The following EPS8 variants were observed in gnomAD, a reference collection of about 807,000 sequenced individuals.
EPS8 encodes epidermal growth factor receptor kinase substrate 8.
Under a neutral mutation model 103.8 loss-of-function variants are expected in EPS8, and 42 were observed. The ratio of observed to expected loss-of-function variants is 0.40; its 90% CI spans 0.32 to 0.52. The LOEUF is 0.52. Among genes scored for constraint, EPS8 ranks in the 20% least tolerant of loss-of-function variants. The pLI is 0.40. For missense variants in EPS8, 969 were observed against 1,005.1 expected, an observed-to-expected ratio of 0.96 and a Z score of 0.49; for synonymous variants, 344 against 344.6, an observed-to-expected ratio of 1.00 and a Z score of 0.02.
At chr12:15,681,684 C>T (rs1288786081) in intron 2 of EPS8, among the ~76,000 whole-genome samples, 5 of 140,728 alleles carry the variant, frequency 3.6e-5, no homozygotes, top group East Asian at 4.2e-4. Context: ...GAGCCAAGAT[C>T]GCGCTATTGC....
At chr12:15,742,320 G>A (rs1262673571) in intron 1 of EPS8, among the ~76,000 whole-genome samples, 2 of 152,192 alleles carry the variant, frequency 1.3e-5, no homozygotes, top group African/African-American at 4.8e-5. Context: ...ACTAGTTTAC[G>A]GTCCCACCAA....
rs756458868 is a variant in EPS8, at chr12:15,621,309, C to T, written c.*8G>A. The stretch of plus-strand genomic sequence containing the variant: ...AAAAACAATGGAGTTTAAATACAAA[C>T]AAACAAATTAGTGACTGCTTCCTTC... On this transcript the variant is annotated 3_prime_UTR_variant, in exon 21 of 21. Coordinates refer to ENST00000281172, the MANE Select transcript of EPS8 (RefSeq NM_004447.6). 1 of 1,499,730 alleles carries T rather than the reference C, an allele frequency of 6.7e-7. No homozygotes were observed. The highest frequency in any genetic ancestry group is 2.0e-5 in the Admixed American group (1 of 50,914). The allele number at this position is 1,499,730 out of a possible 1,614,324, so 92.9% of individuals were successfully genotyped here.
At position 15,658,599 on chromosome 12, in the gene EPS8, C is replaced by T. The variant is rs79708535; in HGVS notation, c.938-14G>A. The T allele has an allele frequency of 5.6e-4, 874 of 1,568,762 alleles. 1 individual carries two copies. The highest frequency in any genetic ancestry group is 7.4e-4 in the Non-Finnish European group (847 of 1,140,158). ...TTAAAACACCCTCTAATGAAATAAG[C>T]GAGAGGAGAGGATCAGAGCAAAATC... is the stretch of plus-strand genomic sequence containing the variant. On this transcript the variant is annotated splice_polypyrimidine_tract_variant and intron_variant, in intron 10 of 20. Transcript: ENST00000281172.
chr12:15,755,257 G>A (rs1367034890), intron 1 of EPS8, among the ~76,000 whole-genome samples: 1 of 152,156 alleles, frequency 6.6e-6, no homozygotes, highest in Non-Finnish European at 1.5e-5. Context: ...TTACAGACAT[G>A]AGCTGCTGCA....
chr12:15,664,961 C>A (rs1350107291), intron 8 of EPS8: 1 of 151,882 alleles, frequency 6.6e-6, no homozygotes, highest in Non-Finnish European at 1.5e-5. Flanking sequence ...AACAGAATGC[C>A]AAGGTGAAAT....
At position 15,658,518 on chromosome 12, in the gene EPS8, A is replaced by C; in HGVS notation, c.1005T>G (p.Phe335Leu). The C allele has an allele frequency of 6.2e-7, 1 of 1,612,032 alleles. No individual in the cohort carries two copies. Among genetic ancestry groups the C allele is most frequent in the Non-Finnish European group, 8.5e-7 (1 of 1,178,204 alleles). Residue 335 changes from phenylalanine to leucine, a missense_variant, in exon 11 of 21, where the codon TTT becomes TTG. Transcript: ENST00000281172. ...TTACCAGAAGGTTAAATCCGTGTTT[A>C]AACTTTTGGAAACAGTCAAGAAATT... ...PDEFLDCFQK[F>L]KHGFNLLAKL...
At position 15,623,189 on chromosome 12, in the gene EPS8, C is replaced by A; in HGVS notation, c.2324G>T (p.Ser775Ile). Residue 775 changes from serine to isoleucine, a missense_variant, in exon 20 of 21, where the codon AGC (serine) becomes ATC (isoleucine). Coordinates refer to ENST00000281172, the MANE Select transcript of EPS8 (RefSeq NM_004447.6). ...TGCAGCTTTTTGTACAGTGATTTGG[C>A]TATAGACTCTCGCCCCTTCAGGGCA... ...TVCPEGARVY[S>I]QITVQKAALE... 2 of 1,611,796 alleles carry A rather than the reference C, an allele frequency of 1.2e-6. No individual in the cohort carries two copies. Among genetic ancestry groups the A allele is most frequent in the Non-Finnish European group, 1.7e-6 (2 of 1,179,290 alleles).
chr12:15,776,760 A>G lies in EPS8; in HGVS notation c.-22+12401T>C, dbSNP rs1947210233. On this transcript the variant is annotated intron_variant, in intron 1 of 20. Coordinates refer to ENST00000281172, the MANE Select transcript of EPS8 (RefSeq NM_004447.6). The surrounding 1 kb of genome is among the most constrained non-coding windows in gnomAD (Gnocchi z 4.2). ...TAAAAATGGCTGATGGGTTCTTGAG[A>G]ATTTTAGCGTTTCCCCTTTTGCTAC... Among the ~76,000 whole-genome samples the G allele has an allele frequency of 6.6e-6, 1 of 152,158 alleles. No homozygotes were observed. Among genetic ancestry groups the G allele is most frequent in the African/African-American group, 2.4e-5 (1 of 41,432 alleles).
intron 1 of EPS8, among the ~76,000 whole-genome samples, chr12:15,730,150 T>A (rs992711085): frequency 1.3e-5 from 2 of 152,182 alleles, no homozygotes; most frequent in Non-Finnish European, 2.9e-5. Flanking sequence ...TTAGTTTTGA[T>A]AACCATATTG....
Position 15,631,635 on chromosome 12 carries a change from T to C in EPS8, c.1851A>G (p.Pro617=). ...GTGATGGAGCAGGGGGAGTATCAGC[T>C]GGTCTTGGGCCATACTCCATCCTTT... ...QKQRMEYGPR[P]ADTPPAPSPP... is the part of the protein sequence containing the mutation. The change falls in exon 18 of 21, where the codon CCA becomes CCG. Residue 617 remains proline, a synonymous_variant. Coordinates refer to ENST00000281172, the MANE Select transcript of EPS8 (RefSeq NM_004447.6). 6.2e-7 allele frequency: 1 copy of C among 1,613,842 alleles called. No individual in the cohort carries two copies. The highest frequency in any genetic ancestry group is 8.5e-7 in the Non-Finnish European group (1 of 1,179,900).
rs1946322040 is a variant in EPS8 at position 15,702,375 on chromosome 12, GTT to G, written c.-21-19405_-21-19404del. 6.6e-6 allele frequency among the ~76,000 whole-genome samples: 1 copy of G among 152,172 alleles called. No individual in the cohort carries two copies. The highest frequency in any genetic ancestry group is 1.5e-5 in the Non-Finnish European group (1 of 68,026). ...ACTGGAAATTAATTCATTCTTTTGA[GTT>G]AAGCATTTTCATCCATAGGAAGCAC... On this transcript the variant is annotated intron_variant, in intron 1 of 20. Transcript: ENST00000281172. This position sits in a 1 kb window ranked among gnomAD's most constrained non-coding sequence, Gnocchi z 5.1.
Position 15,690,981 on chromosome 12 carries a change from TA to T in EPS8, c.-21-8010del, listed in dbSNP as rs36075920. Among the ~76,000 whole-genome samples the T allele has an allele frequency of 0.71, 107,843 of 151,502 alleles. 39,862 individuals carry two copies. Among genetic ancestry groups the T allele is most frequent in the East Asian group, 0.9 (4,630 of 5,156 alleles). On this transcript the variant is annotated intron_variant, in intron 1 of 20. Coordinates refer to ENST00000281172, the MANE Select transcript of EPS8 (RefSeq NM_004447.6). This position sits in a 1 kb window ranked among gnomAD's most constrained non-coding sequence, Gnocchi z 4.7. Reference sequence around the variant, plus strand: ...CTAACTGTCTACACTTGGCTGAATATAAAAAAAACAAGCCAGATTGTCAGTA... The same window carrying T: ...CTAACTGTCTACACTTGGCTGAATATAAAAAAACAAGCCAGATTGTCAGTA...
chr12:15,678,459 C>A (rs891775270), intron 3 of EPS8, among the ~76,000 whole-genome samples: 2 of 152,162 alleles, frequency 1.3e-5, no homozygotes, highest in African/African-American at 4.8e-5. Context: ...CTTGGATTTG[C>A]CCCTTTCAAT....
In EPS8 at chr12:15,738,194, TCTAA is replaced by T. The variant is rs1946785604; in HGVS notation, c.-22+50963_-22+50966del. Among the ~76,000 whole-genome samples the T allele has an allele frequency of 6.6e-6, 1 of 152,180 alleles. No homozygotes were observed. The highest frequency in any genetic ancestry group is 6.5e-5 in the Admixed American group (1 of 15,274). On this transcript the variant is annotated intron_variant, in intron 1 of 20. Transcript: ENST00000281172. The surrounding 1 kb of genome is among the most constrained non-coding windows in gnomAD (Gnocchi z 6.2). Reference sequence around the variant, plus strand: ...TTATTCTAATTAATATCACTTTTATTCTAACTAATATTAGACTCATTTCTCAACT... The same window carrying T: ...TTATTCTAATTAATATCACTTTTATTCTAATATTAGACTCATTTCTCAACT...
intron 2 of EPS8, 108 bp from the exon 3 acceptor site, chr12:15,681,410 T>C: frequency 2.7e-6 from 1 of 374,380 alleles, no homozygotes; most frequent in Middle Eastern, 9.2e-4. Context: ...AAAATTCCAA[T>C]GCACTATAAT....
rs1204865602 is a variant in EPS8, at chr12:15,735,523, T to C, written c.-21-52551A>G. Among the ~76,000 whole-genome samples the C allele has an allele frequency of 6.6e-6, 1 of 152,222 alleles. No homozygotes were observed. The highest frequency in any genetic ancestry group is 1.5e-5 in the Non-Finnish European group (1 of 68,042). ...AGCTAACATTCTAAGATTAAAACTA[T>C]GATTTGAATCCATGTCTAATCCTAA... On this transcript the variant is annotated intron_variant, in intron 1 of 20. Transcript: ENST00000281172. The surrounding 1 kb of genome is among the most constrained non-coding windows in gnomAD (Gnocchi z 4.4).
intron 1 of EPS8, among the ~76,000 whole-genome samples, chr12:15,746,763 T>C (rs1036747763): frequency 2.0e-5 from 3 of 152,108 alleles, no homozygotes; most frequent in Non-Finnish European, 2.9e-5. Context: ...ATCCCTTCTA[T>C]TGAAAAACAA....
At chr12:15,639,874 A>C (rs372013532) in intron 17 of EPS8, among the ~76,000 whole-genome samples, 2 of 152,176 alleles carry the variant, frequency 1.3e-5, no homozygotes, top group East Asian at 1.9e-4. Flanking sequence ...CTTTTTCTCG[A>C]GACTTTGAAA....
Position 15,628,566 on chromosome 12 carries a change from A to G in EPS8, c.2044+2876T>C, listed in dbSNP as rs116146205. ...TTGGCATCTTAAAAGCGATAAAAGG[A>G]GAACCTTTTGGGATCCTGCGATAAA... On this transcript the variant is annotated intron_variant, in intron 18 of 20. Transcript: ENST00000281172. 6.7e-3 allele frequency among the ~76,000 whole-genome samples: 1,015 copies of G among 152,340 alleles called. 11 individuals carry two copies. The highest frequency in any genetic ancestry group is 0.037 in the Middle Eastern group (11 of 294).
Sources: gnomAD v4.1 joint callset for allele counts (sites outside exome capture counted in the v4.1 genomes callset) on GRCh38, gnomAD v4.1.1 for gene constraint, Gnocchi (gnomAD v3.1) non-coding constraint, MANE v1.5 for transcripts, NCBI Gene and HGNC (gene_info 2026-07-23, HGNC 2026-07-21) for gene names.